The following TDRD9 variants were observed in gnomAD, a reference collection of about 807,000 sequenced individuals.
TDRD9 encodes the protein ATP-dependent RNA helicase TDRD9.
A neutral mutation model predicts 172.6 loss-of-function variants in TDRD9; 124 were observed. That is an observed-to-expected ratio of 0.72 (90% CI 0.62 to 0.83). TDRD9 has a LOEUF of 0.83. TDRD9 is among the 40% of genes least tolerant of loss of function. The pLI is 0.00. For missense variants in TDRD9, 1,479 were observed against 1,714.1 expected, an observed-to-expected ratio of 0.86 and a Z score of 2.42; for synonymous variants, 619 against 617.1, an observed-to-expected ratio of 1.00 and a Z score of -0.05.
intron 32 of TDRD9, among the ~76,000 whole-genome samples, chr14:104,036,900 CA>C (rs1362896703): frequency 3.3e-5 from 5 of 152,144 alleles, no homozygotes; most frequent in African/African-American, 4.8e-5. Flanking sequence ...GGAAAGGTAG[CA>C]GGGGGGCCTG....
At chr14:103,938,791 C>T (rs1462928689) in intron 1 of TDRD9, among the ~76,000 whole-genome samples, 1 of 151,890 alleles carries the variant, frequency 6.6e-6, no homozygotes, top group African/African-American at 2.4e-5. Context: ...TTATAAATAG[C>T]CTAGTGTATA....
chr14:103,977,091 A>G (rs1327841853), intron 7 of TDRD9, among the ~76,000 whole-genome samples: 1 of 152,146 alleles, frequency 6.6e-6, no homozygotes, highest in African/African-American at 2.4e-5. Context: ...TTGGATTTGC[A>G]TTTCCGTGAC....
At chr14:104,049,199 G>A (rs531224621) in intron 34 of TDRD9, among the ~76,000 whole-genome samples, 1 of 151,822 alleles carries the variant, frequency 6.6e-6, no homozygotes, top group Non-Finnish European at 1.5e-5. Context: ...TTTTTAGTGG[G>A]GAGAGGCTCT....
At chr14:103,998,923 G>T (rs563217367) in intron 13 of TDRD9, among the ~76,000 whole-genome samples, 195 bp downstream of exon 13, 1 of 152,100 alleles carries the variant, frequency 6.6e-6, no homozygotes, top group South Asian at 2.1e-4. Context: ...CTCCCGAGTT[G>T]CTGGGACTAC....
At position 104,040,301 on chromosome 14, in the gene TDRD9, T is replaced by C. The variant is rs766556950; in HGVS notation, c.3822T>C (p.Phe1274=). The change falls in exon 33 of 36, where the codon TTT becomes TTC. Residue 1274 remains phenylalanine (F), a synonymous_variant. Coordinates refer to ENST00000409874, the MANE Select transcript of TDRD9 (RefSeq NM_153046.3). ...ILPEHDMELA[F]DVQFSVEDVV... ...CCGAGCACGACATGGAGCTTGCGTT[T>C]GACGTTCAATTCAGCGTGGAGGATG... 2 of 1,551,554 alleles carry C rather than the reference T, an allele frequency of 1.3e-6. No homozygotes were observed. The highest frequency in any genetic ancestry group is 1.7e-6 in the Non-Finnish European group (2 of 1,146,794).
chr14:104,030,420 G>A (rs985147926), intron 28 of TDRD9, among the ~76,000 whole-genome samples: 1 of 152,334 alleles, frequency 6.6e-6, no homozygotes, highest in African/African-American at 2.4e-5. Context: ...GAACCTGGGA[G>A]GTGGAGGTTG....
chr14:103,977,474 C>CAG (rs1370601047), intron 7 of TDRD9, among the ~76,000 whole-genome samples: 1 of 103,848 alleles, frequency 9.6e-6, no homozygotes, highest in Non-Finnish European at 1.7e-5. Context: ...GCCTGGGTGA[C>CAG]AGAGAGAGAC....
intron 29 of TDRD9, among the ~76,000 whole-genome samples, chr14:104,031,476 T>TTG (rs1470479077): frequency 2.0e-5 from 3 of 149,578 alleles, no homozygotes; most frequent in Non-Finnish European, 4.5e-5. Flanking sequence ...TAGTTTTTTT[T>TTG]TTTTTTTTTT....
chr14:103,938,430 A>T (rs1566723217), intron 1 of TDRD9, among the ~76,000 whole-genome samples: 25 of 39,906 alleles, frequency 6.3e-4, no homozygotes, highest in African/African-American at 2.5e-3. Context: ...ATATATATAT[A>T]TATATATATA....
intron 1 of TDRD9, among the ~76,000 whole-genome samples, chr14:103,954,484 G>GT (rs2032097668): frequency 6.6e-6 from 1 of 152,192 alleles, no homozygotes; most frequent in East Asian, 1.9e-4. Flanking sequence ...TAGGTGTTCA[G>GT]TAAGTATTTG....
intron 1 of TDRD9, among the ~76,000 whole-genome samples, chr14:103,954,552 A>G (rs1189110295): frequency 6.6e-6 from 1 of 152,240 alleles, no homozygotes; most frequent in Non-Finnish European, 1.5e-5. Flanking sequence ...ACATGTGCTG[A>G]TGTTTAACAA....
intron 1 of TDRD9, among the ~76,000 whole-genome samples, chr14:103,951,061 A>G (rs1299054585): frequency 6.6e-6 from 1 of 152,180 alleles, no homozygotes; most frequent in South Asian, 2.1e-4. Context: ...TGAATACACA[A>G]ATCATTTACT....
chr14:104,046,766 C>G (rs1314925467), intron 34 of TDRD9, among the ~76,000 whole-genome samples: 1 of 152,110 alleles, frequency 6.6e-6, no homozygotes, highest in Non-Finnish European at 1.5e-5. Flanking sequence ...CTGCCTCAGC[C>G]TCCTGAGTAG....
intron 1 of TDRD9, chr14:103,941,068 G>T: frequency 6.5e-7 from 1 of 1,534,902 alleles, no homozygotes; most frequent in South Asian, 1.2e-5. Flanking sequence ...TATTTCCCAT[G>T]GCAGTACATC....
intron 7 of TDRD9, 126 bp downstream of exon 7, chr14:103,975,679 GT>G (rs1271405000): frequency 1.1e-6 from 1 of 932,860 alleles, no homozygotes; most frequent in Non-Finnish European, 1.5e-6. Context: ...TGCATACTAA[GT>G]GTACATATTT....
chr14:103,969,426 A>G (rs1389532670), intron 5 of TDRD9, among the ~76,000 whole-genome samples: 2 of 152,154 alleles, frequency 1.3e-5, no homozygotes, highest in Non-Finnish European at 2.9e-5. Flanking sequence ...TTTTCTTCTC[A>G]AGTAAAAGAG....
intron 34 of TDRD9, among the ~76,000 whole-genome samples, chr14:104,049,015 G>A (rs1020426938): frequency 3.9e-5 from 6 of 152,130 alleles, no homozygotes; most frequent in African/African-American, 1.4e-4. Flanking sequence ...GGAGCTGGCA[G>A]TTTGTCATGA....
chr14:104,035,024 C>G lies in TDRD9; in HGVS notation c.3684C>G (p.Leu1228=). ...ATATCCCTGGCCTCCCGGCTCTCCT[C>G]AGCATGTTATTCGCACCGGTGATAG... ...MPHIPGLPAL[L]SMLFAPVIEL... is the part of the protein sequence containing the mutation. Residue 1228 remains leucine, a synonymous_variant, in exon 32 of 36, where the codon CTC becomes CTG. Coordinates refer to ENST00000409874, the MANE Select transcript of TDRD9 (RefSeq NM_153046.3). 6.4e-7 allele frequency: 1 copy of G among 1,551,790 alleles called. No homozygotes were observed. The highest frequency in any genetic ancestry group is 8.7e-7 in the Non-Finnish European group (1 of 1,146,984).
chr14:104,041,996 A>T, intron 33 of TDRD9, 73 bp from the exon 34 acceptor site: 1 of 1,013,844 alleles, frequency 9.9e-7, no homozygotes, highest in Non-Finnish European at 1.6e-6. Context: ...TCTGAATGCT[A>T]TGAATTCTCT....
Sources: gnomAD v4.1 joint callset for allele counts (sites outside exome capture counted in the v4.1 genomes callset) on GRCh38, gnomAD v4.1.1 for gene constraint, MANE v1.5 for transcripts, NCBI Gene and HGNC (gene_info 2026-07-23, HGNC 2026-07-21) for gene names.